Variants in POT1 observed in about 807,000 individuals in gnomAD.
POT1 encodes protection of telomeres 1.
A neutral mutation model predicts 78.5 loss-of-function variants in POT1; 47 were observed. The observed-to-expected ratio is 0.60, with a 90% CI of 0.47 to 0.76. The LOEUF is 0.76. Among genes scored for constraint, POT1 ranks in the 30% least tolerant of loss-of-function variants. The pLI is 0.00. For synonymous variants in POT1, 259 were observed against 260.7 expected (o/e 0.99, Z 0.06); for missense variants, 646 against 749.9 (o/e 0.86, Z 1.62).
At chr7:124,868,930 C>A (rs2116560915) in intron 7 of POT1, among the ~76,000 whole-genome samples, 1 of 151,468 alleles carries the variant, frequency 6.6e-6, no homozygotes, top group Admixed American at 6.6e-5. Flanking sequence ...TGTAAAAATT[C>A]AATTATATAT....
At chr7:124,917,224 C>T (rs1240931439) in intron 2 of POT1, among the ~76,000 whole-genome samples, 1 of 152,024 alleles carries the variant, frequency 6.6e-6, no homozygotes, top group Admixed American at 6.6e-5. Flanking sequence ...CTAACCAGTA[C>T]CTAGTAAAAA....
Position 124,838,652 on chromosome 7 carries a change from C to A in POT1, c.1369+2321G>T, listed in dbSNP as rs536307144. Among the ~76,000 whole-genome samples, 6 of 152,056 alleles carry A rather than the reference C, an allele frequency of 3.9e-5. 1 individual carries two copies. Among genetic ancestry groups the A allele is most frequent in the Middle Eastern group, 3.4e-3 (1 of 294 alleles). On this transcript the variant is annotated intron_variant, in intron 14 of 18. Transcript: ENST00000357628. ...TGAAGTTTCGCTCTTGTTACCCAGG[C>A]TGGAGTGCAATGGCGCGATCTCGGC... is the stretch of plus-strand genomic sequence containing the variant.
intron 3 of POT1, among the ~76,000 whole-genome samples, chr7:124,900,022 C>T (rs190700908): frequency 2.0e-5 from 3 of 152,216 alleles, no homozygotes; most frequent in Admixed American, 2.0e-4. Context: ...AAAGTTACAA[C>T]CCTTCCTCTG....
chr7:124,901,887 T>C (rs1299026686), intron 3 of POT1, among the ~76,000 whole-genome samples: 1 of 152,080 alleles, frequency 6.6e-6, no homozygotes, highest in African/African-American at 2.4e-5. Flanking sequence ...ATGCACAAGC[T>C]TCAGTAGTTG....
intron 17 of POT1, among the ~76,000 whole-genome samples, chr7:124,825,911 C>T (rs1794619478): frequency 6.6e-6 from 1 of 152,070 alleles, no homozygotes; most frequent in East Asian, 1.9e-4. Context: ...AGATCTTTTC[C>T]AATCCATGTA....
At chr7:124,846,482 G>C (rs567761070) in intron 12 of POT1, among the ~76,000 whole-genome samples, 1 of 151,892 alleles carries the variant, frequency 6.6e-6, no homozygotes, top group East Asian at 1.9e-4. Context: ...GTACTTGATA[G>C]ACACACTATC....
chr7:124,843,044 T>C, intron 12 of POT1, 81 bp from the exon 13 acceptor site: 2 of 953,526 alleles, frequency 2.1e-6, no homozygotes, highest in Non-Finnish European at 1.5e-6. Flanking sequence ...ATATATACTA[T>C]AAAATCTAAT....
chr7:124,897,485 T>C (rs1796520531), intron 4 of POT1, among the ~76,000 whole-genome samples: 1 of 151,902 alleles, frequency 6.6e-6, no homozygotes, highest in South Asian at 2.1e-4. Flanking sequence ...CACAGCAATA[T>C]TCAGTTCTCA....
intron 16 of POT1, 65 bp downstream of exon 16, chr7:124,829,189 A>G (rs1794700915): frequency 2.8e-6 from 3 of 1,081,156 alleles, no homozygotes; most frequent in African/African-American, 1.6e-5. Flanking sequence ...ATACTGAAAT[A>G]TAAGTAGGTG....
chr7:124,925,882 T>C (rs962513009), intron 2 of POT1, among the ~76,000 whole-genome samples: 4 of 152,164 alleles, frequency 2.6e-5, no homozygotes, highest in African/African-American at 9.7e-5. Flanking sequence ...CAATTAATGG[T>C]GCTGGGAAAA....
At chr7:124,842,760 C>T (rs1404574353) in intron 13 of POT1, 47 bp downstream of exon 13, 1 of 1,500,442 alleles carries the variant, frequency 6.7e-7, no homozygotes, top group Non-Finnish European at 9.1e-7. Flanking sequence ...TGTACATATA[C>T]ACACAAATAA....
chr7:124,856,344 C>T (rs942494472), intron 9 of POT1, among the ~76,000 whole-genome samples: 2 of 152,074 alleles, frequency 1.3e-5, no homozygotes, highest in Non-Finnish European at 2.9e-5. Flanking sequence ...AAATAAAAAT[C>T]TAAAGTTATA....
intron 14 of POT1, among the ~76,000 whole-genome samples, chr7:124,836,195 CTG>C (rs1394462085): frequency 2.0e-5 from 3 of 152,114 alleles, no homozygotes; most frequent in Non-Finnish European, 2.9e-5. Flanking sequence ...TTGGCAAAAA[CTG>C]TAAAACCTTT....
chr7:124,863,314 G>A lies in POT1; in HGVS notation c.546+36C>T, dbSNP rs754234725. 1.5e-5 allele frequency: 23 copies of A among 1,569,030 alleles called. No homozygotes were observed. In the Admixed American group the frequency reaches 2.8e-4, roughly 19 times the overall value. ...AGCTCTTTACAGACATGTAAGTGGT[G>A]CTAACTTATAATTCCCAGTATTAAA... On this transcript the variant is annotated intron_variant, in intron 8 of 18. Transcript: ENST00000357628.
chr7:124,864,442 T>G (rs186478440), intron 7 of POT1, among the ~76,000 whole-genome samples: 15 of 152,288 alleles, frequency 9.8e-5, no homozygotes, highest in East Asian at 7.7e-4. Flanking sequence ...TGGCCATATT[T>G]GAGTCTACTA....
intron 3 of POT1, among the ~76,000 whole-genome samples, chr7:124,913,620 T>C (rs1330046993): frequency 6.6e-6 from 1 of 152,214 alleles, no homozygotes; most frequent in Admixed American, 6.5e-5. Context: ...TATATATAGA[T>C]GCTTAATCCA....
At position 124,823,261 on chromosome 7, in the gene POT1, G is replaced by A. The variant is rs1787985422; in HGVS notation, c.*701C>T. 6.6e-6 allele frequency: 1 copy of A among 151,980 alleles called. No individual in the cohort carries two copies. Among genetic ancestry groups the A allele is most frequent in the Admixed American group, 6.6e-5 (1 of 15,258 alleles). The allele number at this position is 151,980 out of a possible 1,614,324, so 9.4% of individuals were successfully genotyped here. A position where few individuals can be genotyped will look rare whatever the true frequency, so the allele number is the denominator to read the frequency against. ...GGCAAATAAATGAAACAGTTGAAAT[G>A]TGTGCACTTATTTATTCTTCACTAA... On this transcript the variant is annotated 3_prime_UTR_variant, in exon 19 of 19. Transcript: ENST00000357628.
chr7:124,852,846 T>C (rs1795345760), intron 10 of POT1, 126 bp downstream of exon 10: 3 of 775,712 alleles, frequency 3.9e-6, no homozygotes, highest in Admixed American at 6.0e-5. Context: ...ATTTGGCTCA[T>C]CTATTTAAAA....
intron 2 of POT1, among the ~76,000 whole-genome samples, chr7:124,922,434 T>C (rs761077265): frequency 3.3e-5 from 5 of 152,036 alleles, no homozygotes; most frequent in Non-Finnish European, 7.4e-5. Context: ...ATAATACATG[T>C]ACATGTAAAA....
Sources: allele counts gnomAD v4.1 joint callset (sites outside exome capture counted in the v4.1 genomes callset), GRCh38; gene constraint gnomAD v4.1.1; transcripts MANE v1.5; gene names NCBI Gene and HGNC (gene_info 2026-07-23, HGNC 2026-07-21).